PLEKHG4B: variants seen among roughly 807,000 people sequenced by gnomAD.
The protein encoded by PLEKHG4B is pleckstrin homology and RhoGEF domain containing G4B.
A neutral mutation model predicts 121.3 loss-of-function variants in PLEKHG4B; 111 were observed. That is an observed-to-expected ratio of 0.92 (90% CI 0.78 to 1.07). The LOEUF (loss-of-function observed/expected upper bound fraction) is 1.07. Among genes scored for constraint, PLEKHG4B ranks in the 50% least tolerant of loss-of-function variants. The pLI, the probability that PLEKHG4B is intolerant of heterozygous loss-of-function variation, is 0.00. For synonymous variants in PLEKHG4B, 738 were observed against 725.0 expected (o/e 1.02, Z -0.29); for missense variants, 1,831 against 1,757.8 (o/e 1.04, Z -0.74).
At chr5:170,912 C>T in intron 14 of PLEKHG4B, 131 bp from the exon 15 acceptor site, 1 of 677,130 alleles carries the variant, frequency 1.5e-6, no homozygotes, top group Non-Finnish European at 2.6e-6. Context: ...TCCCTTTCAC[C>T]TGATCATGGT....
chr5:116,671 C>T (rs1034073486), intron 2 of PLEKHG4B, among the ~76,000 whole-genome samples: 6 of 152,162 alleles, frequency 3.9e-5, no homozygotes, highest in African/African-American at 1.4e-4. Context: ...CTGGCTAGGT[C>T]CTAAAAAGCA....
At chr5:144,051 C>T (rs542539562) in intron 5 of PLEKHG4B, 2 of 155,310 alleles carry the variant, frequency 1.3e-5, no homozygotes, top group East Asian at 3.8e-4. Context: ...TAAAGCGATC[C>T]TCCTCCCGCC....
At chr5:146,709 G>T in intron 6 of PLEKHG4B, among the ~76,000 whole-genome samples, 1 of 87,204 alleles carries the variant, frequency 1.1e-5, no homozygotes, top group African/African-American at 4.6e-5. Context: ...TCTCTCCCCT[G>T]ACCCTGCGGC....
At chr5:110,356 C>G (rs1309083610) in intron 1 of PLEKHG4B, among the ~76,000 whole-genome samples, 26 of 120,010 alleles carry the variant, frequency 2.2e-4, no homozygotes, top group African/African-American at 9.6e-4. Context: ...ACACCGGCCA[C>G]TCTGCAACAC....
intron 11 of PLEKHG4B, among the ~76,000 whole-genome samples, chr5:158,718 T>C (rs1430245703): frequency 7.0e-6 from 1 of 142,746 alleles, no homozygotes; most frequent in Non-Finnish European, 1.5e-5. Flanking sequence ...CTCCTTCGTC[T>C]TCCCTTCCTC....
At chr5:164,431 T>C (rs1736166326) in intron 13 of PLEKHG4B, among the ~76,000 whole-genome samples, 1 of 150,396 alleles carries the variant, frequency 6.6e-6, no homozygotes, top group Non-Finnish European at 1.5e-5. Context: ...GTTCACCCAG[T>C]AATGCTGTGA....
At chr5:109,507 G>A (rs923122379) in intron 1 of PLEKHG4B, among the ~76,000 whole-genome samples, 1 of 151,784 alleles carries the variant, frequency 6.6e-6, no homozygotes, top group Non-Finnish European at 1.5e-5. Context: ...CTACAGCATT[G>A]TGGGTATCAC....
intron 1 of PLEKHG4B, among the ~76,000 whole-genome samples, chr5:97,189 A>G (rs185242896): frequency 9.1e-4 from 138 of 151,316 alleles, no homozygotes; most frequent in African/African-American, 3.3e-3. Flanking sequence ...CAGGCTCCAG[A>G]TCGTTTTCCT....
rs372340901 is a variant in PLEKHG4B, at chr5:181,601, C to T, written c.4490C>T (p.Ala1497Val). 48 of 1,613,926 alleles carry T rather than the reference C, an allele frequency of 3.0e-5. No individual in the cohort carries two copies. In the African/African-American group the frequency reaches 3.6e-4, roughly 12 times the overall value. Residue 1497 changes from alanine to valine, a missense_variant, in exon 19 of 20, where the codon GCA becomes GTA. Coordinates refer to ENST00000637938, the MANE Select transcript of PLEKHG4B (RefSeq NM_052909.5). ...VKPRDRTPDC[A>V]VISDRAPKCA... ...CCCAGAGACCGGACCCCTGACTGTGCAGTGATAAGCGACCGGGCTCCCAAA... is the reference window on the plus strand; with the variant it reads ...CCCAGAGACCGGACCCCTGACTGTGTAGTGATAAGCGACCGGGCTCCCAAA...
chr5:153,064 T>C (rs1438847629), intron 7 of PLEKHG4B, among the ~76,000 whole-genome samples: 1 of 152,254 alleles, frequency 6.6e-6, no homozygotes, highest in African/African-American at 2.4e-5. Context: ...GAAAACAGAC[T>C]AATACATTTA....
intron 2 of PLEKHG4B, among the ~76,000 whole-genome samples, chr5:131,364 G>A (rs908639710): frequency 1.3e-5 from 2 of 152,094 alleles, no homozygotes; most frequent in African/African-American, 4.8e-5. Context: ...TGCAGTGTTT[G>A]GTTTTCTGTC....
rs1027676690 is a variant in PLEKHG4B, at chr5:163,400, G to A, written c.3328G>A (p.Gly1110Ser). 1 of 1,612,944 alleles carries A rather than the reference G, an allele frequency of 6.2e-7. No individual in the cohort carries two copies. The highest frequency in any genetic ancestry group is 1.3e-5 in the African/African-American group (1 of 74,956). The change falls in exon 13 of 20, where the codon GGC becomes AGC. Residue 1110 changes from glycine (G) to serine (S), a missense_variant. Physicochemically the swap from Gly to Ser is moderately conservative, Grantham distance 56. Coordinates refer to ENST00000637938, the MANE Select transcript of PLEKHG4B (RefSeq NM_052909.5). Reference protein sequence around the residue: ...QPDHTSVFSKGLEVTSTVATE... With the variant: ...QPDHTSVFSKSLEVTSTVATE... ...AGACCATACTAGTGTCTTCAGCAAGGGCCTGGAGGTAACCAGCACTGTAGC... is the reference window on the plus strand; with the variant it reads ...AGACCATACTAGTGTCTTCAGCAAGAGCCTGGAGGTAACCAGCACTGTAGC...
At chr5:93,538 C>T (rs566347420) in intron 1 of PLEKHG4B, among the ~76,000 whole-genome samples, 94 of 152,012 alleles carry the variant, frequency 6.2e-4, no homozygotes, top group Non-Finnish European at 1.0e-3. Context: ...GTTTTTATTT[C>T]ACTGTGCGGC....
intron 1 of PLEKHG4B, among the ~76,000 whole-genome samples, chr5:93,702 G>A (rs76662915): frequency 2.6e-5 from 4 of 152,184 alleles, no homozygotes; most frequent in Non-Finnish European, 4.4e-5. Flanking sequence ...TTTCTGGGGG[G>A]TGGGTCTAGT....
At chr5:107,540 C>T (rs1489255517) in intron 1 of PLEKHG4B, among the ~76,000 whole-genome samples, 2 of 152,240 alleles carry the variant, frequency 1.3e-5, no homozygotes, top group Non-Finnish European at 2.9e-5. Flanking sequence ...CCTTCTTACC[C>T]TCAGGTGCTG....
At chr5:168,356 C>T (rs1736420702) in intron 13 of PLEKHG4B, among the ~76,000 whole-genome samples, 1 of 152,224 alleles carries the variant, frequency 6.6e-6, no homozygotes, top group Admixed American at 6.5e-5. Context: ...CCTGCGCCCC[C>T]GGCCTTGCTC....
chr5:126,310 C>T (rs1734611896), intron 2 of PLEKHG4B, among the ~76,000 whole-genome samples: 1 of 152,094 alleles, frequency 6.6e-6, no homozygotes. Flanking sequence ...CCTTTGAACC[C>T]CTTTAGTGAA....
At position 113,400 on chromosome 5, in the gene PLEKHG4B, C is replaced by T; in HGVS notation, c.195C>T (p.Phe65=). Residue 65 remains phenylalanine (F), a synonymous_variant, in exon 2 of 20, where the codon TTC becomes TTT. Transcript: ENST00000637938. This position sits in a 1 kb window ranked among gnomAD's most constrained non-coding sequence, Gnocchi z 5.2. The part of the protein sequence containing the change: ...GGDGLHCLTS[F]LLPAKRALQH... ...ACGGGCTGCACTGCCTCACCAGCTT[C>T]CTCCTCCCAGCCAAGAGGGCCCTGC... 1 of 399,108 alleles carries T rather than the reference C, an allele frequency of 2.5e-6. No homozygotes were observed. The highest frequency in any genetic ancestry group is 4.4e-6 in the Non-Finnish European group (1 of 226,134). The allele number at this position is 399,108 out of a possible 1,614,324, so 24.7% of individuals were successfully genotyped here.
At chr5:142,987 A>G in intron 3 of PLEKHG4B, 60 bp from the exon 4 acceptor site, 1 of 1,482,294 alleles carries the variant, frequency 6.7e-7, no homozygotes, top group Non-Finnish European at 9.4e-7. Context: ...TGAGCATAGC[A>G]GCTGCTTTCA....
Sources: gnomAD v4.1 joint callset for allele counts (sites outside exome capture counted in the v4.1 genomes callset) on GRCh38, gnomAD v4.1.1 for gene constraint, Gnocchi (gnomAD v3.1) non-coding constraint, MANE v1.5 for transcripts, NCBI Gene and HGNC (gene_info 2026-07-23, HGNC 2026-07-21) for gene names.